CELF4: variants seen among roughly 807,000 people sequenced by gnomAD.
CELF4 encodes CUGBP Elav-like family member 4.
Under a neutral mutation model 59.9 loss-of-function variants are expected in CELF4, and 18 were observed. The ratio of observed to expected loss-of-function variants is 0.30; its 90% CI spans 0.21 to 0.45. The LOEUF is 0.45. CELF4 is among the 20% of genes least tolerant of loss of function. CELF4 has a pLI of 1.00. For synonymous variants in CELF4, 261 were observed against 267.1 expected, an observed-to-expected ratio of 0.98 and a Z score of 0.22; for missense variants, 456 against 689.0, an observed-to-expected ratio of 0.66 and a Z score of 3.79.
intron 2 of CELF4, among the ~76,000 whole-genome samples, chr18:37,390,880 C>T (rs981242467): frequency 1.4e-4 from 22 of 151,760 alleles, no homozygotes; most frequent in Non-Finnish European, 2.5e-4. Flanking sequence ...TCCAGGTGCC[C>T]GGTGCAGGCC....
At chr18:37,294,859 A>G (rs529752167) in intron 3 of CELF4, among the ~76,000 whole-genome samples, 2 of 152,328 alleles carry the variant, frequency 1.3e-5, no homozygotes, top group Non-Finnish European at 2.9e-5. Context: ...TTCTCTTTTT[A>G]TGACATTTAT....
chr18:37,389,480 T>C (rs1263550584), intron 2 of CELF4, among the ~76,000 whole-genome samples: 1 of 152,242 alleles, frequency 6.6e-6, no homozygotes, highest in African/African-American at 2.4e-5. Flanking sequence ...CATCACCATC[T>C]GATCTTCAGG....
chr18:37,378,163 G>A (rs907037553), intron 2 of CELF4, among the ~76,000 whole-genome samples: 3 of 152,194 alleles, frequency 2.0e-5, no homozygotes, highest in African/African-American at 7.2e-5. Flanking sequence ...TCCCCATGGT[G>A]GACCCCTCCT....
intron 1 of CELF4, among the ~76,000 whole-genome samples, chr18:37,545,775 C>CAT (rs35644151): frequency 6.6e-6 from 1 of 150,874 alleles, no homozygotes; most frequent in African/African-American, 2.5e-5. Context: ...CACACACACA[C>CAT]GGCCCTGCAC....
chr18:37,266,852 T>A (rs1339500847), intron 8 of CELF4, among the ~76,000 whole-genome samples: 1 of 151,026 alleles, frequency 6.6e-6, no homozygotes, highest in African/African-American at 2.4e-5. Context: ...GGCCTAGGGC[T>A]GGGGTAAGAT....
In CELF4 at chr18:37,321,711, G is replaced by A. The variant is rs150588103; in HGVS notation, c.448+92C>T. 4.1e-4 allele frequency: 364 copies of A among 885,870 alleles called. 1 individual carries two copies. In the East Asian group the frequency reaches 7.9e-3, roughly 19 times the overall value. The allele number at this position is 885,870 out of a possible 1,614,324, so 54.9% of individuals were successfully genotyped here. On this transcript the variant is annotated intron_variant, in intron 3 of 12. Transcript: ENST00000420428. The stretch of plus-strand genomic sequence containing the variant: ...GATCCCCAGAGGGGCAAGAGGAGGA[G>A]GCGGGGAGTCGCTGCATCGCCTTGC...
chr18:37,480,236 A>G (rs2099862711), intron 2 of CELF4, among the ~76,000 whole-genome samples: 1 of 152,194 alleles, frequency 6.6e-6, no homozygotes, highest in Non-Finnish European at 1.5e-5. Context: ...GCAGAGAAAC[A>G]GAAGGTGGCA....
In CELF4 at chr18:37,485,102, G is replaced by A. The variant is rs949455820; in HGVS notation, c.369+423C>T. Among the ~76,000 whole-genome samples, 3 of 152,186 alleles carry A rather than the reference G, an allele frequency of 2.0e-5. 1 individual carries two copies. The highest frequency in any genetic ancestry group is 4.1e-4 in the South Asian group (2 of 4,830). ...CGAGGCGCGATAGTTTATCAAAGAC[G>A]AGGGCTGGCTCCTTAAATAAACCGC... On this transcript the variant is annotated intron_variant, in intron 2 of 12. Transcript: ENST00000420428.
intron 3 of CELF4, among the ~76,000 whole-genome samples, chr18:37,297,909 G>A (rs1463904899): frequency 6.6e-6 from 1 of 152,212 alleles, no homozygotes; most frequent in African/African-American, 2.4e-5. Flanking sequence ...CGTCAAGTTA[G>A]CAGGCTGCCT....
At chr18:37,511,705 G>T (rs1275307454) in intron 1 of CELF4, among the ~76,000 whole-genome samples, 1 of 151,890 alleles carries the variant, frequency 6.6e-6, no homozygotes, top group Non-Finnish European at 1.5e-5. Context: ...CAGGAGGTAG[G>T]TGGGATAAGT....
intron 3 of CELF4, chr18:37,276,721 G>A (rs1023202599): frequency 6.6e-6 from 1 of 152,154 alleles, no homozygotes; most frequent in African/African-American, 2.4e-5. Context: ...TGGAATCCAT[G>A]AGCAAAATAA....
chr18:37,264,544 T>C, intron 10 of CELF4, 130 bp downstream of exon 10: 5 of 736,064 alleles, frequency 6.8e-6, no homozygotes, highest in Non-Finnish European at 1.1e-5. Flanking sequence ...TGTCTTCCCT[T>C]GCCCACCTCA....
chr18:37,250,960 G>A (rs2065111103), intron 12 of CELF4, among the ~76,000 whole-genome samples: 1 of 152,162 alleles, frequency 6.6e-6, no homozygotes, highest in Non-Finnish European at 1.5e-5. Flanking sequence ...GAAAAGTGAG[G>A]TGTCATATGT....
chr18:37,314,206 G>C (rs1310692025), intron 3 of CELF4, among the ~76,000 whole-genome samples: 1 of 152,204 alleles, frequency 6.6e-6, no homozygotes, highest in Non-Finnish European at 1.5e-5. Flanking sequence ...CAGCACTTTG[G>C]GAATCTGAGG....
intron 1 of CELF4, among the ~76,000 whole-genome samples, chr18:37,510,515 T>G (rs1020562924): frequency 6.6e-6 from 1 of 152,236 alleles, no homozygotes; most frequent in African/African-American, 2.4e-5. Context: ...GAGGCAACCC[T>G]GTGCAATCCG....
chr18:37,290,062 TG>T (rs1288560898), intron 3 of CELF4, among the ~76,000 whole-genome samples: 14 of 152,110 alleles, frequency 9.2e-5, no homozygotes, highest in African/African-American at 3.4e-4. Context: ...GGGGCATGGC[TG>T]GGAGAGGGCT....
intron 12 of CELF4, among the ~76,000 whole-genome samples, chr18:37,251,850 G>C (rs1001757728): frequency 2.0e-5 from 3 of 152,176 alleles, no homozygotes; most frequent in African/African-American, 4.8e-5. Flanking sequence ...CCAGTGCCTG[G>C]CACAAGAAGG....
chr18:37,250,683 G>A (rs1044898118), intron 12 of CELF4, among the ~76,000 whole-genome samples: 7 of 152,054 alleles, frequency 4.6e-5, no homozygotes, highest in African/African-American at 1.4e-4. Flanking sequence ...TTCCTCCCTC[G>A]CTGGCAGTCC....
chr18:37,563,717 CCCCCACCCTCA>C (rs1485823143), intron 1 of CELF4, among the ~76,000 whole-genome samples: 1 of 152,160 alleles, frequency 6.6e-6, no homozygotes, highest in East Asian at 1.9e-4. Flanking sequence ...TCCATTACAG[CCCCCACCCTCA>C]CCCCACCCCA....
Sources: allele counts gnomAD v4.1 joint callset (sites outside exome capture counted in the v4.1 genomes callset), GRCh38; gene constraint gnomAD v4.1.1; transcripts MANE v1.5; gene names NCBI Gene and HGNC (gene_info 2026-07-23, HGNC 2026-07-21).